The following EYS variants were observed in gnomAD, a reference collection of about 807,000 sequenced individuals.
EYS encodes the protein EGF-like photoreceptor maintenance factor, also known as protein eyes shut homolog.
EYS carries 250 observed loss-of-function variants against 282.1 expected under a neutral mutation model. The observed-to-expected ratio is 0.89, with a 90% CI of 0.80 to 0.98. The LOEUF is 0.98. Ranked by LOEUF, EYS falls within the 50% of genes least tolerant of loss-of-function variation. The probability of loss-of-function intolerance (pLI) is 0.00; values close to 1 mark genes in which losing one functional copy is unlikely to be tolerated. For missense variants in EYS, 4,016 were observed against 3,709.0 expected (o/e 1.08, Z -2.15); for synonymous variants, 1,355 against 1,282.9 (o/e 1.06, Z -1.20).
chr6:64,164,937 T>A (rs149299301), intron 31 of EYS, among the ~76,000 whole-genome samples: 1 of 152,262 alleles, frequency 6.6e-6, no homozygotes, highest in East Asian at 1.9e-4. Flanking sequence ...CTTTGACTTT[T>A]TTCCCCTGTG....
At chr6:65,266,239 A>C (rs1420401777) in intron 12 of EYS, among the ~76,000 whole-genome samples, 1 of 151,924 alleles carries the variant, frequency 6.6e-6, no homozygotes, top group Non-Finnish European at 1.5e-5. Context: ...CACCTGTAGA[A>C]CCTATATTTA....
chr6:64,219,409 C>A (rs1247501496), intron 31 of EYS, among the ~76,000 whole-genome samples: 1 of 152,176 alleles, frequency 6.6e-6, no homozygotes, highest in Non-Finnish European at 1.5e-5. Context: ...TGAAATTATT[C>A]TTGAGTACAA....
chr6:63,862,991 G>A (rs1274857824), intron 36 of EYS, among the ~76,000 whole-genome samples: 3 of 151,954 alleles, frequency 2.0e-5, no homozygotes, highest in East Asian at 3.9e-4. Flanking sequence ...TTTTACTCTC[G>A]TTTCAGTTTT....
intron 11 of EYS, among the ~76,000 whole-genome samples, chr6:65,309,783 C>G (rs932441847): frequency 6.6e-6 from 1 of 152,210 alleles, no homozygotes; most frequent in African/African-American, 2.4e-5. Flanking sequence ...TTTCCCCTTG[C>G]CTCTTACTGC....
chr6:64,403,443 G>A (rs1483283882), intron 28 of EYS, among the ~76,000 whole-genome samples: 3 of 151,888 alleles, frequency 2.0e-5, no homozygotes, highest in Non-Finnish European at 4.4e-5. Flanking sequence ...TGCAACCTCC[G>A]CCTCCTGGGT....
chr6:65,008,512 C>T (rs544579700), intron 13 of EYS, among the ~76,000 whole-genome samples: 52 of 152,250 alleles, frequency 3.4e-4, no homozygotes, highest in African/African-American at 7.2e-4. Flanking sequence ...AAGCGGACTT[C>T]GGAGGCTCTG....
intron 31 of EYS, among the ~76,000 whole-genome samples, chr6:64,146,037 A>G (rs1336264914): frequency 6.6e-6 from 1 of 151,860 alleles, no homozygotes; most frequent in Non-Finnish European, 1.5e-5. Flanking sequence ...TTTTTTCATG[A>G]CAAAGTCTTC....
chr6:64,989,712 TTATAA>T (rs1018388945), intron 14 of EYS, among the ~76,000 whole-genome samples: 10 of 145,324 alleles, frequency 6.9e-5, no homozygotes, highest in South Asian at 4.2e-4. Context: ...TATGTATAAA[TTATAA>T]TATAATTTTA....
chr6:64,936,194 C>T (rs1376336844), intron 15 of EYS, among the ~76,000 whole-genome samples: 1 of 151,364 alleles, frequency 6.6e-6, no homozygotes, highest in East Asian at 1.9e-4. Flanking sequence ...ACAAATTACA[C>T]ATATAAACAG....
intron 29 of EYS, among the ~76,000 whole-genome samples, chr6:64,359,756 G>T (rs2150407988): frequency 6.6e-6 from 1 of 151,714 alleles, no homozygotes; most frequent in South Asian, 2.1e-4. Context: ...TTTCTCTTAA[G>T]GGCAACAACC....
intron 12 of EYS, among the ~76,000 whole-genome samples, chr6:65,079,205 T>TA (rs769580507): frequency 5.9e-5 from 9 of 152,074 alleles, no homozygotes; most frequent in Non-Finnish European, 1.0e-4. Flanking sequence ...TGGTTTCTTA[T>TA]AAAAAGTGAA....
intron 12 of EYS, among the ~76,000 whole-genome samples, chr6:65,165,739 G>GA (rs887172394): frequency 4.0e-5 from 6 of 150,210 alleles, no homozygotes; most frequent in Admixed American, 1.3e-4. Context: ...GGATATTAGG[G>GA]AAAAAAAAGT....
chr6:65,013,688 C>T (rs139044882), intron 13 of EYS, among the ~76,000 whole-genome samples: 1 of 152,142 alleles, frequency 6.6e-6, no homozygotes, highest in African/African-American at 2.4e-5. Context: ...CTAGTTTCAG[C>T]AACATAGTGA....
intron 12 of EYS, among the ~76,000 whole-genome samples, chr6:65,180,266 G>A (rs549129835): frequency 2.0e-4 from 31 of 152,242 alleles, no homozygotes; most frequent in African/African-American, 7.0e-4. Flanking sequence ...AAGTCAAATT[G>A]TCCCTGTTTG....
intron 26 of EYS, among the ~76,000 whole-genome samples, chr6:64,445,375 T>G (rs1775085512): frequency 6.6e-6 from 1 of 152,150 alleles, no homozygotes; most frequent in Non-Finnish European, 1.5e-5. Flanking sequence ...TTGTCTAGAA[T>G]TAAATAATAA....
intron 22 of EYS, among the ~76,000 whole-genome samples, chr6:64,689,158 G>A (rs1770274287): frequency 6.6e-6 from 1 of 152,246 alleles, no homozygotes; most frequent in East Asian, 1.9e-4. Flanking sequence ...AAAATCACAA[G>A]CATTCCTATA....
chr6:65,149,226 C>G (rs748059219), intron 12 of EYS, among the ~76,000 whole-genome samples: 36 of 152,070 alleles, frequency 2.4e-4, no homozygotes, highest in Non-Finnish European at 3.4e-4. Context: ...AATTTTTATG[C>G]TCTGCTTCCT....
At chr6:64,532,828 T>C (rs1254860921) in intron 26 of EYS, among the ~76,000 whole-genome samples, 1 of 152,174 alleles carries the variant, frequency 6.6e-6, no homozygotes, top group Non-Finnish European at 1.5e-5. Flanking sequence ...TATGAGTCTC[T>C]TGAAGGTACA....
At chr6:65,555,755 ACAATAATGAATAGTCACT>A (rs1768775409) in intron 2 of EYS, among the ~76,000 whole-genome samples, 1 of 152,170 alleles carries the variant, frequency 6.6e-6, no homozygotes, top group Non-Finnish European at 1.5e-5. Flanking sequence ...ACTGTCTGAG[ACAATAATGAATAGTCACT>A]ATTAGACATG....
Sources: gnomAD v4.1 joint callset for allele counts (sites outside exome capture counted in the v4.1 genomes callset) on GRCh38, gnomAD v4.1.1 for gene constraint, MANE v1.5 for transcripts, NCBI Gene and HGNC (gene_info 2026-07-23, HGNC 2026-07-21) for gene names.